The following TM6SF1 variants were observed in gnomAD, a reference collection of about 807,000 sequenced individuals.
TM6SF1 encodes transmembrane 6 superfamily member 1.
Under a neutral mutation model 47.1 loss-of-function variants are expected in TM6SF1, and 43 were observed. The observed-to-expected ratio is 0.91, with a 90% confidence interval of 0.72 to 1.18. TM6SF1 has a LOEUF of 1.18. TM6SF1 is among the 50% of genes most tolerant of loss of function. The pLI is 0.00. For missense variants in TM6SF1, 390 were observed against 449.0 expected, an observed-to-expected ratio of 0.87 and a Z score of 1.19; for synonymous variants, 177 against 166.3, an observed-to-expected ratio of 1.06 and a Z score of -0.49.
intron 5 of TM6SF1, 103 bp from the exon 6 acceptor site, chr15:83,122,654 C>T: frequency 7.5e-7 from 1 of 1,326,934 alleles, no homozygotes; most frequent in Non-Finnish European, 1.0e-6. Flanking sequence ...ATTGTCTGGC[C>T]CATAGCAAAA....
chr15:83,126,531 A>C (rs1167101499), intron 7 of TM6SF1, among the ~76,000 whole-genome samples: 1 of 152,160 alleles, frequency 6.6e-6, no homozygotes, highest in African/African-American at 2.4e-5. Flanking sequence ...AAAATACCCA[A>C]GAATAGGGCA....
At chr15:83,123,794 A>C (rs951528208) in intron 6 of TM6SF1, among the ~76,000 whole-genome samples, 4 of 152,242 alleles carry the variant, frequency 2.6e-5, no homozygotes, top group Non-Finnish European at 4.4e-5. Context: ...CAGTGTGTCA[A>C]CAGAGTAGGT....
intron 8 of TM6SF1, 65 bp downstream of exon 8, chr15:83,126,912 G>C: frequency 7.5e-7 from 1 of 1,333,728 alleles, no homozygotes; most frequent in Non-Finnish European, 1.1e-6. Context: ...ATGGGTCCCA[G>C]CTGGGTGCGG....
At chr15:83,125,792 G>T (rs1283984900) in intron 7 of TM6SF1, among the ~76,000 whole-genome samples, 2 of 152,190 alleles carry the variant, frequency 1.3e-5, no homozygotes, top group African/African-American at 4.8e-5. Flanking sequence ...GGCTACTGGG[G>T]GCCTGTGCAG....
intron 3 of TM6SF1, 38 bp from the exon 4 acceptor site, chr15:83,119,540 C>T (rs1567140588): frequency 6.2e-7 from 1 of 1,608,634 alleles, no homozygotes; most frequent in African/African-American, 1.3e-5. Flanking sequence ...ATTTACAGGT[C>T]TTATTTAAAG....
Position 83,107,800 on chromosome 15 carries a change from C to G in TM6SF1, c.92+28C>G, listed in dbSNP as rs552535303. ...GAGTGAGCCGGCGCGGCGGGGGTCGCGCCGAGGGGCGGCGGGAGTTGGCTC... is the reference window on the plus strand; with the variant it reads ...GAGTGAGCCGGCGCGGCGGGGGTCGGGCCGAGGGGCGGCGGGAGTTGGCTC... On this transcript the variant is annotated intron_variant, in intron 1 of 9. Transcript: ENST00000322019. The surrounding 1 kb of genome is among the most constrained non-coding windows in gnomAD (Gnocchi z 5.6). 12 of 1,559,666 alleles carry G rather than the reference C, an allele frequency of 7.7e-6. No homozygotes were observed. The South Asian group carries it at 1.3e-4, about 17-fold the overall frequency.
At chr15:83,131,710 C>T (rs1432329443) in intron 9 of TM6SF1, 3 of 152,094 alleles carry the variant, frequency 2.0e-5, no homozygotes, top group African/African-American at 7.2e-5. Flanking sequence ...AATCTGCTGC[C>T]TTCAGAAATC....
rs2035864396 is a variant in TM6SF1 at position 83,127,382 on chromosome 15, G to A, written c.826G>A (p.Val276Ile). The change falls in exon 9 of 10, where the codon GTT becomes ATT. Residue 276 changes from valine to isoleucine, a missense_variant. Val to Ile is a conservative substitution (Grantham distance 29). Transcript: ENST00000322019. ...GATGCTGGCATATATGTTCTATTCTGTTCCTTACTTTGTGACTGCACTGTA... is the reference window on the plus strand; with the variant it reads ...GATGCTGGCATATATGTTCTATTCTATTCCTTACTTTGTGACTGCACTGTA... ...IQMLAYMFYS[V>I]PYFVTALYGL... is the part of the protein sequence containing the mutation. 2 of 1,613,688 alleles carry A rather than the reference G, an allele frequency of 1.2e-6. No homozygotes were observed. Among genetic ancestry groups the A allele is most frequent in the Admixed American group, 1.7e-5 (1 of 59,938 alleles).
At chr15:83,125,430 G>GA (rs1215613985) in intron 7 of TM6SF1, among the ~76,000 whole-genome samples, 2 of 152,150 alleles carry the variant, frequency 1.3e-5, no homozygotes, top group Non-Finnish European at 2.9e-5. Context: ...TGTGGCCTTG[G>GA]AAAAACTACT....
chr15:83,120,486 A>G (rs1326730886), intron 4 of TM6SF1, among the ~76,000 whole-genome samples: 1 of 152,082 alleles, frequency 6.6e-6, no homozygotes, highest in Non-Finnish European at 1.5e-5. Flanking sequence ...CTTCTGGGTT[A>G]CAGAAAGTCA....
intron 4 of TM6SF1, among the ~76,000 whole-genome samples, chr15:83,121,420 A>G (rs1292576429): frequency 6.6e-6 from 1 of 152,100 alleles, no homozygotes; most frequent in African/African-American, 2.4e-5. Context: ...TTTGGGGTAT[A>G]TGTCTAGCAG....
At position 83,119,679 on chromosome 15, in the gene TM6SF1, G is replaced by C; in HGVS notation, c.396G>C (p.Trp132Cys). 1 of 1,614,144 alleles carries C rather than the reference G, an allele frequency of 6.2e-7. No homozygotes were observed. Among genetic ancestry groups the C allele is most frequent in the East Asian group, 2.2e-5 (1 of 44,876 alleles). Residue 132 changes from tryptophan to cysteine, a missense_variant and splice_region_variant, in exon 4 of 10, where the codon TGG (tryptophan) becomes TGC (cysteine). Trp to Cys is a radical substitution (Grantham distance 215). Coordinates refer to ENST00000322019, the MANE Select transcript of TM6SF1 (RefSeq NM_023003.5). ...MYLVMVAAIA[W>C]EETYRTIGLY... ...TGGTGATGGTGGCAGCCATAGCATG[G>C]GAGTAAGTCAGTTCACCTGGTGTGT...
chr15:83,122,980 T>C lies in TM6SF1; in HGVS notation c.603+102T>C, dbSNP rs1444527782. The C allele has an allele frequency of 1.2e-5, 16 of 1,357,698 alleles. No homozygotes were observed. In the South Asian group the frequency reaches 1.4e-4, roughly 12 times the overall value. 84.1% of individuals were successfully genotyped at this position (1,357,698 alleles called of 1,614,324 possible). A position where few individuals can be genotyped will look rare whatever the true frequency, so the allele number is the denominator to read the frequency against. ...ACCATGCCTCTGTGGACTGGAGCAT[T>C]TGGGGCATCCAAACAGTGCGACTGT... On this transcript the variant is annotated intron_variant, in intron 6 of 9. Transcript: ENST00000322019.
At chr15:83,108,016 C>G (rs1596458764) in intron 1 of TM6SF1, 2 of 758,678 alleles carry the variant, frequency 2.6e-6, no homozygotes, top group Non-Finnish European at 3.6e-6. Context: ...GGTGCCAGCA[C>G]CGCGCCAGGT....
intron 2 of TM6SF1, 186 bp downstream of exon 2, chr15:83,113,086 A>C (rs1596471416): frequency 3.4e-6 from 2 of 595,578 alleles, no homozygotes; most frequent in Non-Finnish European, 6.0e-6. Flanking sequence ...AGTGGACTCC[A>C]CCCTCTCCCA....
chr15:83,127,405 G>C lies in TM6SF1; in HGVS notation c.849G>C (p.Leu283=), dbSNP rs776153603. The C allele has an allele frequency of 6.2e-7, 1 of 1,613,968 alleles. No homozygotes were observed. The highest frequency in any genetic ancestry group is 8.5e-7 in the Non-Finnish European group (1 of 1,179,918). Residue 283 remains leucine (L), a synonymous_variant, in exon 9 of 10, where the codon CTG becomes CTC. Transcript: ENST00000322019. ...FYSVPYFVTA[L]YGLVVPGCSW... The stretch of plus-strand genomic sequence containing the variant: ...CTGTTCCTTACTTTGTGACTGCACT[G>C]TATGGCTTAGTGGTTCCTGGATGTT...
chr15:83,118,527 AAGC>A (rs1235614103), intron 3 of TM6SF1, among the ~76,000 whole-genome samples: 6 of 152,166 alleles, frequency 3.9e-5, no homozygotes, highest in Admixed American at 1.3e-4. Context: ...ATGGGTGTAG[AAGC>A]AGAACCTTGA....
chr15:83,107,899 A>T lies in TM6SF1; in HGVS notation c.92+127A>T, dbSNP rs2033808656. 1 of 1,312,768 alleles carries T rather than the reference A, an allele frequency of 7.6e-7. No individual in the cohort carries two copies. The highest frequency in any genetic ancestry group is 9.7e-7 in the Non-Finnish European group (1 of 1,030,394). The allele number at this position is 1,312,768 out of a possible 1,614,324, so 81.3% of individuals were successfully genotyped here. On this transcript the variant is annotated intron_variant, in intron 1 of 9. Transcript: ENST00000322019. This position sits in a 1 kb window ranked among gnomAD's most constrained non-coding sequence, Gnocchi z 5.6. The stretch of plus-strand genomic sequence containing the variant: ...CCGCGGGACAGAGGTTCGTGGCCGC[A>T]GGGGCTCCCCGCGCCTGGCCAGACT...
intron 9 of TM6SF1, chr15:83,132,796 C>T (rs1408566834): frequency 6.6e-6 from 1 of 152,162 alleles, no homozygotes; most frequent in South Asian, 2.1e-4. Context: ...TAATGCAAAT[C>T]TTGTTTTCTT....
Sources: allele counts gnomAD v4.1 joint callset (sites outside exome capture counted in the v4.1 genomes callset), GRCh38; gene constraint gnomAD v4.1.1; non-coding constraint Gnocchi (gnomAD v3.1); transcripts MANE v1.5; gene names NCBI Gene and HGNC (gene_info 2026-07-23, HGNC 2026-07-21).